The following ENOX1 variants were observed in gnomAD, a reference collection of about 807,000 sequenced individuals.
ENOX1 encodes candidate growth-related and time keeping constitutive hydroquinone (NADH) oxidase.
ENOX1 carries 42 observed loss-of-function variants against 82.5 expected under a neutral mutation model. The ratio of observed to expected loss-of-function variants is 0.51; its 90% CI spans 0.40 to 0.66. The LOEUF (loss-of-function observed/expected upper bound fraction) is 0.66, where lower values mean the gene tolerates loss of function less well. Ranked by LOEUF, ENOX1 falls within the 30% of genes least tolerant of loss-of-function variation. The pLI is 0.00. For missense variants in ENOX1, 608 were observed against 811.6 expected (o/e 0.75, Z 3.05); for synonymous variants, 271 against 282.2 (o/e 0.96, Z 0.40).
At chr13:43,466,498 G>GA (rs2057726361) in intron 3 of ENOX1, among the ~76,000 whole-genome samples, 1 of 151,886 alleles carries the variant, frequency 6.6e-6, no homozygotes, top group Non-Finnish European at 1.5e-5. Context: ...TAAAGAAAAA[G>GA]AACAACTACA....
chr13:43,692,914 A>T (rs2086440264), intron 1 of ENOX1, among the ~76,000 whole-genome samples: 1 of 152,156 alleles, frequency 6.6e-6, no homozygotes, highest in Non-Finnish European at 1.5e-5. Flanking sequence ...ATAACAACCT[A>T]AACATCTATC....
intron 5 of ENOX1, among the ~76,000 whole-genome samples, chr13:43,376,224 A>T (rs987548875): frequency 6.6e-6 from 1 of 152,230 alleles, no homozygotes; most frequent in African/African-American, 2.4e-5. Flanking sequence ...ACTTCCTTCT[A>T]TCAGAGAGTG....
intron 2 of ENOX1, among the ~76,000 whole-genome samples, chr13:43,624,871 C>G (rs9590778): frequency 0.24 from 37,111 of 151,894 alleles, 5,031 homozygotes; most frequent in Non-Finnish European, 0.32. Context: ...TATTCCAGTT[C>G]CTTTGCCAAT....
intron 2 of ENOX1, chr13:43,544,456 G>T (rs186657711): frequency 4.6e-5 from 7 of 152,132 alleles, no homozygotes; most frequent in Admixed American, 3.9e-4. Context: ...ATATAAGCAG[G>T]CCTCTTGTTG....
intron 2 of ENOX1, among the ~76,000 whole-genome samples, chr13:43,515,708 C>T (rs1220650028): frequency 6.6e-6 from 1 of 152,182 alleles, no homozygotes; most frequent in Non-Finnish European, 1.5e-5. Context: ...GCTAGTGCTA[C>T]AGCTTCAAAC....
At chr13:43,600,342 C>T (rs1326575089) in intron 2 of ENOX1, among the ~76,000 whole-genome samples, 4 of 152,148 alleles carry the variant, frequency 2.6e-5, no homozygotes, top group Admixed American at 1.3e-4. Flanking sequence ...GTATCCACCA[C>T]AAGTTGAACG....
intron 2 of ENOX1, among the ~76,000 whole-genome samples, chr13:43,535,782 T>C (rs2078434293): frequency 6.6e-6 from 1 of 152,224 alleles, no homozygotes; most frequent in South Asian, 2.1e-4. Flanking sequence ...TATTCATAAT[T>C]TATTTTCCTT....
intron 1 of ENOX1, among the ~76,000 whole-genome samples, chr13:43,678,998 A>G (rs1449317061): frequency 6.6e-6 from 1 of 152,156 alleles, no homozygotes; most frequent in Non-Finnish European, 1.5e-5. Context: ...TGTTCAATAA[A>G]TTTTGATAAT....
intron 1 of ENOX1, among the ~76,000 whole-genome samples, chr13:43,770,948 G>A (rs1473712296): frequency 6.6e-6 from 1 of 151,364 alleles, no homozygotes; most frequent in Non-Finnish European, 1.5e-5. Context: ...CCAAACTTGT[G>A]TTCCAGGAGA....
At chr13:43,292,342 T>C (rs1239506721) in intron 12 of ENOX1, among the ~76,000 whole-genome samples, 1 of 152,060 alleles carries the variant, frequency 6.6e-6, no homozygotes, top group Admixed American at 6.5e-5. Context: ...AAAGTTAAAA[T>C]GGAAGATACT....
intron 3 of ENOX1, among the ~76,000 whole-genome samples, chr13:43,470,352 A>G (rs867693142): frequency 0.022 from 851 of 39,568 alleles, 65 homozygotes; most frequent in East Asian, 0.085. Flanking sequence ...GTATATATAT[A>G]TGTATATATA....
chr13:43,303,255 G>A (rs1178593828), intron 11 of ENOX1, among the ~76,000 whole-genome samples: 1 of 152,202 alleles, frequency 6.6e-6, no homozygotes, highest in African/African-American at 2.4e-5. Flanking sequence ...TGCCTTCAAC[G>A]GCTGCCTCCT....
chr13:43,291,237 C>A (rs1397689869), intron 12 of ENOX1, among the ~76,000 whole-genome samples: 3 of 152,190 alleles, frequency 2.0e-5, no homozygotes, highest in African/African-American at 7.2e-5. Flanking sequence ...TCTGCACATC[C>A]TTCCCATCCC....
At chr13:43,494,559 G>T (rs925959043) in intron 2 of ENOX1, among the ~76,000 whole-genome samples, 15 of 152,124 alleles carry the variant, frequency 9.9e-5, no homozygotes, top group African/African-American at 3.6e-4. Flanking sequence ...CTTTAATATT[G>T]TAAGAAGGCA....
chr13:43,520,365 G>A (rs1163927030), intron 2 of ENOX1, among the ~76,000 whole-genome samples: 2 of 151,892 alleles, frequency 1.3e-5, no homozygotes, highest in Admixed American at 6.6e-5. Flanking sequence ...ACACACACAC[G>A]GTATCTTGAT....
intron 2 of ENOX1, among the ~76,000 whole-genome samples, chr13:43,542,431 CTT>C (rs775618771): frequency 2.5e-5 from 3 of 117,900 alleles, no homozygotes; most frequent in African/African-American, 6.7e-5. Flanking sequence ...TGTGCCCGGC[CTT>C]TTTTTTTTTT....
chr13:43,692,340 T>C (rs1571468), intron 1 of ENOX1, among the ~76,000 whole-genome samples: 3,190 of 152,248 alleles, frequency 0.021, 107 homozygotes, highest in African/African-American at 0.07. Context: ...AGAAGAAAAT[T>C]TAATGGACAA....
intron 2 of ENOX1, among the ~76,000 whole-genome samples, chr13:43,489,550 T>G (rs1043718900): frequency 3.7e-4 from 56 of 152,104 alleles, no homozygotes; most frequent in African/African-American, 1.2e-3. Flanking sequence ...AGTGGAACTG[T>G]GGGGTCAGAG....
intron 1 of ENOX1, among the ~76,000 whole-genome samples, chr13:43,752,052 G>A (rs1019879812): frequency 6.6e-6 from 1 of 152,084 alleles, no homozygotes; most frequent in South Asian, 2.1e-4. Context: ...GATATGGTTT[G>A]TTGCTTTAAT....
Sources: allele counts gnomAD v4.1 joint callset (sites outside exome capture counted in the v4.1 genomes callset), GRCh38; gene constraint gnomAD v4.1.1; transcripts MANE v1.5; gene names NCBI Gene and HGNC (gene_info 2026-07-23, HGNC 2026-07-21).